MROH2B: variants seen among roughly 807,000 people sequenced by gnomAD.
MROH2B encodes maestro heat-like repeat-containing protein family member 2B.
A neutral mutation model predicts 208.6 loss-of-function variants in MROH2B; 177 were observed. The observed-to-expected ratio is 0.85, with a 90% confidence interval of 0.75 to 0.96. The LOEUF (loss-of-function observed/expected upper bound fraction) is 0.96. Among genes scored for constraint, MROH2B ranks in the 40% least tolerant of loss-of-function variants. The pLI, the probability that MROH2B is intolerant of heterozygous loss-of-function variation, is 0.00. For missense variants in MROH2B, 2,002 were observed against 1,878.7 expected (o/e 1.07, Z -1.21); for synonymous variants, 728 against 659.0 (o/e 1.10, Z -1.60).
At chr5:41,000,625 C>T (rs894852834) in intron 38 of MROH2B, 53 bp downstream of exon 38, 3 of 1,554,918 alleles carry the variant, frequency 1.9e-6, no homozygotes, top group Non-Finnish European at 2.6e-6. Context: ...CTTATTGGTA[C>T]TTCTCAGCCA....
chr5:41,058,944 A>G (rs539585179), intron 6 of MROH2B, among the ~76,000 whole-genome samples: 1 of 149,170 alleles, frequency 6.7e-6, no homozygotes, highest in Non-Finnish European at 1.5e-5. Context: ...GCTACTTGGG[A>G]GGCCGAAGCA....
At chr5:41,013,378 T>A (rs1315413951) in intron 29 of MROH2B, among the ~76,000 whole-genome samples, 1 of 152,188 alleles carries the variant, frequency 6.6e-6, no homozygotes, top group Non-Finnish European at 1.5e-5. Context: ...TGAGTGTGTA[T>A]GTCTGTGTGT....
chr5:41,061,535 G>A, intron 6 of MROH2B, 35 bp downstream of exon 6: 1 of 1,562,950 alleles, frequency 6.4e-7, no homozygotes, highest in Non-Finnish European at 8.7e-7. Context: ...AGCATATAGG[G>A]ACATCCAGCT....
intron 9 of MROH2B, among the ~76,000 whole-genome samples, chr5:41,056,457 G>A (rs1185143640): frequency 1.3e-5 from 2 of 152,126 alleles, no homozygotes; most frequent in African/African-American, 2.4e-5. Context: ...GATATGCAAG[G>A]AGGTAGAAGT....
intron 13 of MROH2B, among the ~76,000 whole-genome samples, chr5:41,049,696 G>A (rs1743229443): frequency 6.6e-6 from 1 of 152,146 alleles, no homozygotes; most frequent in South Asian, 2.1e-4. Context: ...TTTGTTGTGA[G>A]GGACTGCTCG....
chr5:41,027,796 C>G (rs1018540785), intron 24 of MROH2B, among the ~76,000 whole-genome samples: 1 of 152,174 alleles, frequency 6.6e-6, no homozygotes, highest in African/African-American at 2.4e-5. Context: ...CCCAAATGCC[C>G]ATCAATGATA....
chr5:41,012,342 C>T (rs1741798279), intron 30 of MROH2B, among the ~76,000 whole-genome samples: 1 of 152,216 alleles, frequency 6.6e-6, no homozygotes, highest in African/African-American at 2.4e-5. Context: ...GAGCTGCTTC[C>T]TCTAGCCAGA....
chr5:41,058,222 A>C lies in MROH2B; in HGVS notation c.616-19T>G, dbSNP rs1443023192. On this transcript the variant is annotated intron_variant, in intron 6 of 41. Transcript: ENST00000399564. ...TCAAAGTCTGTACAGGCAGCAAACAAATACCGTTTCTGAAACTTCCTTATG... is the reference window on the plus strand; with the variant it reads ...TCAAAGTCTGTACAGGCAGCAAACACATACCGTTTCTGAAACTTCCTTATG... The C allele has an allele frequency of 3.4e-6, 5 of 1,482,472 alleles. No individual in the cohort carries two copies. Among genetic ancestry groups the C allele is most frequent in the Middle Eastern group, 3.6e-4 (2 of 5,564 alleles). The allele number at this position is 1,482,472 out of a possible 1,614,324, so 91.8% of individuals were successfully genotyped here. A position where few individuals can be genotyped will look rare whatever the true frequency, so the allele number is the denominator to read the frequency against.
At chr5:41,028,470 C>T (rs1043127661) in intron 24 of MROH2B, among the ~76,000 whole-genome samples, 20 of 152,106 alleles carry the variant, frequency 1.3e-4, no homozygotes, top group Non-Finnish European at 1.8e-4. Context: ...TCCTACCCAC[C>T]ACTGAGAATA....
At chr5:41,048,135 G>T in intron 16 of MROH2B, 189 bp downstream of exon 16, 2 of 607,574 alleles carry the variant, frequency 3.3e-6, no homozygotes, top group Non-Finnish European at 5.2e-6. Context: ...AGGTCTTCTT[G>T]TAGTATGAAT....
intron 24 of MROH2B, among the ~76,000 whole-genome samples, chr5:41,024,460 G>A (rs1045294757): frequency 3.3e-5 from 5 of 152,006 alleles, no homozygotes; most frequent in Non-Finnish European, 4.4e-5. Flanking sequence ...AATGGAAAAG[G>A]GATCAATTCA....
chr5:41,034,083 C>A, intron 21 of MROH2B: 3 of 984,606 alleles, frequency 3.0e-6, no homozygotes, highest in Non-Finnish European at 3.6e-6. Flanking sequence ...CCAGGTAAGT[C>A]ATGAGTAAGC....
chr5:41,067,590 A>G (rs1318550641), intron 2 of MROH2B, among the ~76,000 whole-genome samples: 3 of 151,650 alleles, frequency 2.0e-5, no homozygotes, highest in African/African-American at 4.9e-5. Context: ...CTGGTCTCGA[A>G]CTCCTGACCT....
At position 41,015,449 on chromosome 5, in the gene MROH2B, C is replaced by T. The variant is rs200551661; in HGVS notation, c.2914G>A (p.Gly972Ser). 2 of 1,613,496 alleles carry T rather than the reference C, an allele frequency of 1.2e-6. No homozygotes were observed. Among genetic ancestry groups the T allele is most frequent in the South Asian group, 1.1e-5 (1 of 91,008 alleles). Residue 972 changes from glycine (G) to serine (S), a missense_variant, in exon 29 of 42, where the codon GGT (glycine) becomes AGT (serine). Physicochemically the swap from Gly to Ser is moderately conservative, Grantham distance 56. Coordinates refer to ENST00000399564, the MANE Select transcript of MROH2B (RefSeq NM_173489.5). ...TCACTTTCCAGCCCTTCCTGCAAAC[C>T]CTGCAGTCTTTCCACTTCCAAGTGA... ...GIHLEVERLQ[G>S]LQEGLESDDV...
chr5:41,057,051 TGTC>T (rs755590853), intron 9 of MROH2B, 55 bp downstream of exon 9: 1 of 1,540,070 alleles, frequency 6.5e-7, no homozygotes, highest in Admixed American at 1.7e-5. Context: ...CTTTTACCAT[TGTC>T]ATCATCATCA....
At chr5:41,060,671 AC>A (rs1561306630) in intron 6 of MROH2B, among the ~76,000 whole-genome samples, 1 of 151,974 alleles carries the variant, frequency 6.6e-6, no homozygotes, top group African/African-American at 2.4e-5. Flanking sequence ...CTCTCTGTGC[AC>A]CCTTGTCACT....
chr5:41,011,087 G>C (rs1395156061), intron 30 of MROH2B, among the ~76,000 whole-genome samples: 2 of 152,138 alleles, frequency 1.3e-5, no homozygotes, highest in Non-Finnish European at 2.9e-5. Flanking sequence ...CAGAGCACTG[G>C]ATGCCACCTT....
intron 6 of MROH2B, 85 bp downstream of exon 6, chr5:41,061,485 G>GTT: frequency 8.2e-7 from 1 of 1,215,142 alleles, no homozygotes; most frequent in African/African-American, 1.5e-5. Flanking sequence ...AAAATACTGA[G>GTT]CCTAATTATC....
chr5:41,017,147 A>G (rs968195071), intron 28 of MROH2B, among the ~76,000 whole-genome samples: 1 of 152,138 alleles, frequency 6.6e-6, no homozygotes, highest in African/African-American at 2.4e-5. Flanking sequence ...GGCTGCGTCT[A>G]CTCTGCAGAA....
Sources: gnomAD v4.1 joint callset for allele counts (sites outside exome capture counted in the v4.1 genomes callset) on GRCh38, gnomAD v4.1.1 for gene constraint, MANE v1.5 for transcripts, NCBI Gene and HGNC (gene_info 2026-07-23, HGNC 2026-07-21) for gene names.